Variants in MYO9A observed in about 807,000 individuals in gnomAD.
The protein encoded by MYO9A is unconventional myosin-IXa.
A neutral mutation model predicts 293.3 loss-of-function variants in MYO9A; 103 were observed. The ratio of observed to expected loss-of-function variants is 0.35; its 90% CI spans 0.30 to 0.41. The LOEUF is 0.41. MYO9A is among the 10% of genes least tolerant of loss of function. The pLI is 1.00. For synonymous variants in MYO9A, 1,001 were observed against 1,035.7 expected, an observed-to-expected ratio of 0.97 and a Z score of 0.64; for missense variants, 2,685 against 3,033.0, an observed-to-expected ratio of 0.89 and a Z score of 2.69.
intron 20 of MYO9A, among the ~76,000 whole-genome samples, chr15:71,904,425 G>T (rs1266210177): frequency 6.6e-6 from 1 of 152,198 alleles, no homozygotes; most frequent in Non-Finnish European, 1.5e-5. Context: ...GGCCAAGGTG[G>T]GCTGATCACC....
chr15:72,090,593 C>T (rs1463578756), intron 1 of MYO9A, among the ~76,000 whole-genome samples: 1 of 152,132 alleles, frequency 6.6e-6, no homozygotes, highest in Admixed American at 6.5e-5. Flanking sequence ...CTAGGGGACT[C>T]TCATATAAGT....
chr15:71,963,532 T>A lies in MYO9A; in HGVS notation c.1987-3436A>T, dbSNP rs559115834. On this transcript the variant is annotated intron_variant, in intron 13 of 41. Coordinates refer to ENST00000356056, the MANE Select transcript of MYO9A (RefSeq NM_006901.4). ...GGCTTGATCTTGGCTCACCGCAACCTCCACCTCCTGGGTTCAAGCAATTGT... is the reference window on the plus strand; with the variant it reads ...GGCTTGATCTTGGCTCACCGCAACCACCACCTCCTGGGTTCAAGCAATTGT... Among the ~76,000 whole-genome samples the A allele has an allele frequency of 2.2e-4, 34 of 152,248 alleles. 1 individual carries two copies. The South Asian group carries it at 7.0e-3, about 32-fold the overall frequency.
At chr15:71,999,594 T>C (rs997328689) in intron 9 of MYO9A, among the ~76,000 whole-genome samples, 1 of 152,152 alleles carries the variant, frequency 6.6e-6, no homozygotes, top group East Asian at 1.9e-4. Context: ...TACCCCACAT[T>C]AGTAATATGA....
At chr15:71,903,579 G>A (rs1425884238) in intron 21 of MYO9A, among the ~76,000 whole-genome samples, 6 of 152,180 alleles carry the variant, frequency 3.9e-5, no homozygotes, top group African/African-American at 1.4e-4. Context: ...GAAAACTTTA[G>A]GGAAAACCAA....
At chr15:71,920,662 T>C (rs1031233496) in intron 18 of MYO9A, among the ~76,000 whole-genome samples, 3 of 152,070 alleles carry the variant, frequency 2.0e-5, no homozygotes, top group African/African-American at 7.2e-5. Flanking sequence ...AAAATTAACT[T>C]CAAGGTTGGG....
At chr15:72,079,908 A>G (rs1596527058) in intron 1 of MYO9A, among the ~76,000 whole-genome samples, 1 of 152,314 alleles carries the variant, frequency 6.6e-6, no homozygotes, top group African/African-American at 2.4e-5. Flanking sequence ...ACCTGTATTT[A>G]AAAGTATAAA....
In MYO9A at chr15:71,901,259, G is replaced by C; in HGVS notation, c.3082C>G (p.Arg1028Gly). 1 of 1,614,000 alleles carries C rather than the reference G, an allele frequency of 6.2e-7. No individual in the cohort carries two copies. Among genetic ancestry groups the C allele is most frequent in the Non-Finnish European group, 8.5e-7 (1 of 1,179,962 alleles). Residue 1028 changes from arginine to glycine, a missense_variant, in exon 23 of 42, where the codon CGA (arginine) becomes GGA (glycine). Physicochemically the swap from Arg to Gly is moderately radical, Grantham distance 125 (BLOSUM62 -2). This residue lies in a region of MYO9A where 1,434 missense variants were observed against 1,497.7 expected (regional missense o/e 0.96). Coordinates refer to ENST00000356056, the MANE Select transcript of MYO9A (RefSeq NM_006901.4). ...CTACACAGCAAGACCCTGAACCATCGCTGCAACAATATGATTCTGCGGAGC... is the reference window on the plus strand; with the variant it reads ...CTACACAGCAAGACCCTGAACCATCCCTGCAACAATATGATTCTGCGGAGC... ...EVLRRIILLQ[R>G]WFRVLLCRQH...
At chr15:71,964,819 G>GT (rs1417034142) in intron 13 of MYO9A, among the ~76,000 whole-genome samples, 2 of 151,742 alleles carry the variant, frequency 1.3e-5, no homozygotes, top group African/African-American at 2.4e-5. Flanking sequence ...GCCAGGCATG[G>GT]TGGCACAAGC....
chr15:72,037,249 A>G (rs1355656724), intron 2 of MYO9A, among the ~76,000 whole-genome samples: 1 of 133,342 alleles, frequency 7.5e-6, no homozygotes, highest in Non-Finnish European at 1.6e-5. Flanking sequence ...AGGTGGCAAT[A>G]ACAGAATGGG....
chr15:71,992,303 A>C (rs542064958), intron 10 of MYO9A, among the ~76,000 whole-genome samples: 1 of 152,278 alleles, frequency 6.6e-6, no homozygotes, highest in South Asian at 2.1e-4. Context: ...TTTGGCTCTA[A>C]TACCTGCATA....
At chr15:71,975,675 C>T (rs28475439) in intron 12 of MYO9A, among the ~76,000 whole-genome samples, 1,936 of 152,160 alleles carry the variant, frequency 0.013, 28 homozygotes, top group African/African-American at 0.02. Flanking sequence ...CAGAAAGGGT[C>T]CTGCCCCATA....
At chr15:71,966,251 G>T (rs2075871483) in intron 13 of MYO9A, among the ~76,000 whole-genome samples, 1 of 133,728 alleles carries the variant, frequency 7.5e-6, no homozygotes, top group Non-Finnish European at 1.6e-5. Context: ...TAACGCAGAT[G>T]AATATCCCAG....
rs577124129 is a variant in MYO9A at position 71,912,768 on chromosome 15, C to G, written c.2685+3602G>C. On this transcript the variant is annotated intron_variant, in intron 19 of 41. Transcript: ENST00000356056. ...CCTTAGTTTTTAAAAGATACATTCA[C>G]CACACATAGAATTCTAGGGTGACTT... 2.6e-5 allele frequency among the ~76,000 whole-genome samples: 4 copies of G among 152,272 alleles called. No individual in the cohort carries two copies. In the East Asian group the frequency reaches 7.7e-4, roughly 29 times the overall value.
intron 14 of MYO9A, among the ~76,000 whole-genome samples, chr15:71,957,231 T>G (rs930365772): frequency 6.6e-6 from 1 of 152,224 alleles, no homozygotes; most frequent in Non-Finnish European, 1.5e-5. Context: ...CACTAAAATA[T>G]GTATTAGGCA....
intron 1 of MYO9A, among the ~76,000 whole-genome samples, chr15:72,047,920 G>A (rs549263754): frequency 3.7e-4 from 56 of 151,394 alleles, no homozygotes; most frequent in African/African-American, 1.3e-3. Flanking sequence ...ACAGGTGTGC[G>A]CCACCTTGCC....
At chr15:71,995,935 A>C (rs1341714087) in intron 9 of MYO9A, among the ~76,000 whole-genome samples, 1 of 152,196 alleles carries the variant, frequency 6.6e-6, no homozygotes, top group South Asian at 2.1e-4. Flanking sequence ...AGACCAAAAA[A>C]TAACTGCCTA....
In MYO9A at chr15:71,991,092, T is replaced by C; in HGVS notation, c.1722+11A>G. Reference sequence around the variant, plus strand: ...ATGGGGGGACAAGTGTATACATATTTAGGTACTCACTTGTTCCAATTTAAA... The same window carrying C: ...ATGGGGGGACAAGTGTATACATATTCAGGTACTCACTTGTTCCAATTTAAA... On this transcript the variant is annotated intron_variant, in intron 11 of 41. Coordinates refer to ENST00000356056, the MANE Select transcript of MYO9A (RefSeq NM_006901.4). The C allele has an allele frequency of 6.3e-7, 1 of 1,583,206 alleles. No individual in the cohort carries two copies. The highest frequency in any genetic ancestry group is 1.2e-5 in the South Asian group (1 of 84,670).
At position 72,045,964 on chromosome 15, in the gene MYO9A, G is replaced by C; in HGVS notation, c.600C>G (p.Val200=). 1.2e-6 allele frequency: 2 copies of C among 1,614,128 alleles called. No homozygotes were observed. The highest frequency in any genetic ancestry group is 1.7e-6 in the Non-Finnish European group (2 of 1,180,030). Residue 200 remains valine (V), a synonymous_variant, in exon 2 of 42, where the codon GTC becomes GTG. Transcript: ENST00000356056. ...CCAGTTGGTGGTTATCATACATTTT[G>C]ACATATTTGGGGTTATAAATAGGAA... is the stretch of plus-strand genomic sequence containing the variant. ...KFLPIYNPKY[V]KMYDNHQLGK...
In MYO9A at chr15:72,020,966, T is replaced by C; in HGVS notation, c.1050A>G (p.Arg350=). 6.4e-7 allele frequency: 1 copy of C among 1,551,652 alleles called. No individual in the cohort carries two copies. Among genetic ancestry groups the C allele is most frequent in the Non-Finnish European group, 8.6e-7 (1 of 1,157,980 alleles). ...YLLAGASEDE[R]SAFHLKQPEE... is the part of the protein sequence containing the mutation. ...CTGGTTGCTTAAGATGGAATGCTGA[T>C]CTCTCATCTTCACTTGCTCCTGCCA... Residue 350 remains arginine (R), a synonymous_variant, in exon 5 of 42, where the codon AGA becomes AGG. Transcript: ENST00000356056.
Sources: allele counts gnomAD v4.1 joint callset (sites outside exome capture counted in the v4.1 genomes callset), GRCh38; gene constraint gnomAD v4.1.1; regional missense constraint gnomAD v4.1.1; transcripts MANE v1.5; gene names NCBI Gene and HGNC (gene_info 2026-07-23, HGNC 2026-07-21).